Variants in MEI4 observed in about 807,000 individuals in gnomAD.
MEI4 encodes the protein meiosis-specific protein MEI4.
In MEI4, 27 loss-of-function variants were observed where a neutral mutation model predicts 31.4. The observed-to-expected ratio is 0.86, with a 90% CI of 0.63 to 1.19. The LOEUF is 1.19. Ranked by LOEUF, MEI4 falls within the 50% of genes most tolerant of loss-of-function variation. MEI4 has a pLI of 0.00. For missense variants in MEI4, 329 were observed against 398.9 expected (o/e 0.82, Z 1.49); for synonymous variants, 122 against 145.4 (o/e 0.84, Z 1.16).
At chr6:77,736,289 T>TCCGTGGGCGTATTACCCTCCGAG in intron 2 of MEI4, among the ~76,000 whole-genome samples, 1 of 152,016 alleles carries the variant, frequency 6.6e-6, no homozygotes, top group East Asian at 1.9e-4. Context: ...TCAGCAAGAC[T>TCCGTGGGCGTATTACCCTCCGAG]CCGTGGGCGT....
At chr6:77,770,272 GA>G (rs1473591445) in intron 3 of MEI4, among the ~76,000 whole-genome samples, 1 of 151,982 alleles carries the variant, frequency 6.6e-6, no homozygotes, top group Non-Finnish European at 1.5e-5. Flanking sequence ...ATTGAACCAT[GA>G]AGAAATTTAA....
Position 77,875,756 on chromosome 6 carries a change from G to T in MEI4, c.900+46694G>T, listed in dbSNP as rs16889503. Among the ~76,000 whole-genome samples the T allele has an allele frequency of 0.023, 3,438 of 152,110 alleles. 329 individuals are homozygous for T. The East Asian group carries it at 0.3, about 13-fold the overall frequency. On this transcript the variant is annotated intron_variant, in intron 4 of 4. Coordinates refer to ENST00000684080, the MANE Select transcript of MEI4 (RefSeq NM_001322247.2). ...AAAATTGTAAGAGTTTCAAAGAAAT[G>T]CATATTACATGGTAAAATGCATATC...
At chr6:77,921,623 G>T (rs146212541) in intron 4 of MEI4, among the ~76,000 whole-genome samples, 1 of 151,808 alleles carries the variant, frequency 6.6e-6, no homozygotes, top group South Asian at 2.1e-4. Context: ...TCTTCACTAA[G>T]CTTAATGATT....
At chr6:77,841,318 T>TATATATATATATATATATATATATATAA (rs1770353408) in intron 4 of MEI4, among the ~76,000 whole-genome samples, 1 of 50,228 alleles carries the variant, frequency 2.0e-5, no homozygotes, top group African/African-American at 1.4e-4. Flanking sequence ...TGTGTGCATA[T>TATATATATATATATATATATATATATAA]ATATATATAT....
chr6:77,697,687 C>G (rs187296202), intron 2 of MEI4, among the ~76,000 whole-genome samples: 168 of 152,196 alleles, frequency 1.1e-3, no homozygotes, highest in African/African-American at 2.6e-3. Flanking sequence ...TTACTTCCAA[C>G]TATGTGGTCA....
rs1766074378 is a variant in MEI4 at position 77,697,254 on chromosome 6, G to T, written c.232+6351G>T. Among the ~76,000 whole-genome samples the T allele has an allele frequency of 3.3e-5, 5 of 152,168 alleles. No individual in the cohort carries two copies. In the South Asian group the frequency reaches 1.0e-3, roughly 32 times the overall value. On this transcript the variant is annotated intron_variant, in intron 2 of 4. Transcript: ENST00000684080. ...ACTAATTTTTTGAAGAGTTTTTTGT[G>T]TCTCTATTTCCTTCAGTTCTGCTCT...
At chr6:77,854,191 C>T (rs766992804) in intron 4 of MEI4, among the ~76,000 whole-genome samples, 15 of 151,934 alleles carry the variant, frequency 9.9e-5, no homozygotes, top group Non-Finnish European at 1.9e-4. Context: ...ATTCATGACT[C>T]GCTATTAATT....
intron 3 of MEI4, among the ~76,000 whole-genome samples, chr6:77,797,831 C>A (rs114825120): frequency 2.0e-5 from 3 of 152,228 alleles, no homozygotes; most frequent in South Asian, 4.2e-4. Flanking sequence ...TCCACTGACT[C>A]AAATGTTAAT....
In MEI4 at chr6:77,923,399, G is replaced by GA. The variant is rs960585022; in HGVS notation, c.*57dup. On this transcript the variant is annotated 3_prime_UTR_variant, in exon 5 of 5. Coordinates refer to ENST00000684080, the MANE Select transcript of MEI4 (RefSeq NM_001322247.2). ...TGAAGCATAATAAAGTAGAATATAT[G>GA]AAAATCTCATACTGAAAAGATTTTC... The GA allele has an allele frequency of 5.9e-6, 7 of 1,195,450 alleles. No individual in the cohort carries two copies. In the African/African-American group the frequency reaches 6.3e-5, roughly 11 times the overall value. 74.1% of individuals were successfully genotyped at this position (1,195,450 alleles called of 1,614,324 possible). A position where few individuals can be genotyped will look rare whatever the true frequency, so the allele number is the denominator to read the frequency against.
intron 2 of MEI4, among the ~76,000 whole-genome samples, chr6:77,749,927 G>GAA (rs1767724556): frequency 6.6e-6 from 1 of 152,176 alleles, no homozygotes; most frequent in South Asian, 2.1e-4. Context: ...TCTCTCTGCA[G>GAA]AAATCCTACA....
At position 77,820,475 on chromosome 6, in the gene MEI4, A is replaced by G. The variant is rs1769796281; in HGVS notation, c.769-8456A>G. Among the ~76,000 whole-genome samples the G allele has an allele frequency of 3.3e-5, 5 of 152,318 alleles. No individual in the cohort carries two copies. The South Asian group carries it at 1.0e-3, about 32-fold the overall frequency. On this transcript the variant is annotated intron_variant, in intron 3 of 4. Transcript: ENST00000684080. This position sits in a 1 kb window ranked among gnomAD's most constrained non-coding sequence, Gnocchi z 4.5. Reference sequence around the variant, plus strand: ...GAGACAGGGTTTCACCGTGTTGCCCAGGCTGGTCTGGAACCCCTGACCTCA... The same window carrying G: ...GAGACAGGGTTTCACCGTGTTGCCCGGGCTGGTCTGGAACCCCTGACCTCA...
chr6:77,803,223 C>A (rs1009791094), intron 3 of MEI4, among the ~76,000 whole-genome samples: 1 of 152,154 alleles, frequency 6.6e-6, no homozygotes, highest in Non-Finnish European at 1.5e-5. Context: ...TCATTCATTT[C>A]ATCTTCCATC....
intron 3 of MEI4, among the ~76,000 whole-genome samples, chr6:77,769,537 G>A (rs1278948369): frequency 6.6e-6 from 1 of 152,140 alleles, no homozygotes; most frequent in Non-Finnish European, 1.5e-5. Flanking sequence ...AACCAAGGAA[G>A]TGCTTGTGTC....
intron 3 of MEI4, among the ~76,000 whole-genome samples, chr6:77,789,200 A>T (rs565008734): frequency 6.6e-6 from 1 of 152,352 alleles, no homozygotes; most frequent in South Asian, 2.1e-4. Flanking sequence ...CTGACTAGCC[A>T]TATGTAGATA....
intron 4 of MEI4, among the ~76,000 whole-genome samples, chr6:77,872,708 C>A (rs1429854151): frequency 1.4e-5 from 2 of 143,626 alleles, no homozygotes; most frequent in African/African-American, 2.6e-5. Context: ...TTAGGTATAT[C>A]TCCTAATGCT....
intron 4 of MEI4, among the ~76,000 whole-genome samples, chr6:77,846,073 T>C (rs1034255465): frequency 6.6e-6 from 1 of 152,042 alleles, no homozygotes; most frequent in African/African-American, 2.4e-5. Flanking sequence ...CTCAATTTTC[T>C]ATAATAATTC....
At chr6:77,874,271 T>G (rs994371458) in intron 4 of MEI4, among the ~76,000 whole-genome samples, 6 of 152,196 alleles carry the variant, frequency 3.9e-5, no homozygotes, top group Non-Finnish European at 8.8e-5. Flanking sequence ...TGTATCCTCT[T>G]TTATTTCCTT....
intron 2 of MEI4, among the ~76,000 whole-genome samples, chr6:77,728,030 G>A (rs1045232636): frequency 2.0e-5 from 3 of 152,218 alleles, no homozygotes; most frequent in Admixed American, 6.5e-5. Context: ...CTAGTAAGAC[G>A]AATGTGGTTG....
intron 2 of MEI4, among the ~76,000 whole-genome samples, chr6:77,727,595 T>A (rs1167599961): frequency 6.6e-6 from 1 of 152,220 alleles, no homozygotes; most frequent in East Asian, 1.9e-4. Flanking sequence ...GTCCTCTGTT[T>A]CATAGAAAGC....
Sources: allele counts gnomAD v4.1 joint callset (sites outside exome capture counted in the v4.1 genomes callset), GRCh38; gene constraint gnomAD v4.1.1; non-coding constraint Gnocchi (gnomAD v3.1); transcripts MANE v1.5; gene names NCBI Gene and HGNC (gene_info 2026-07-23, HGNC 2026-07-21).